Variants in THSD7A observed in about 807,000 individuals in gnomAD.
THSD7A encodes thrombospondin type 1 domain containing 7A, also known as thrombospondin type-1 domain-containing protein 7A.
Under a neutral mutation model 231.3 loss-of-function variants are expected in THSD7A, and 96 were observed. The observed-to-expected ratio is 0.41, with a 90% confidence interval of 0.35 to 0.49. The LOEUF is 0.49. Ranked by LOEUF, THSD7A falls within the 20% of genes least tolerant of loss-of-function variation. The probability of loss-of-function intolerance (pLI) is 0.05; values close to 1 mark genes in which losing one functional copy is unlikely to be tolerated. For synonymous variants in THSD7A, 940 were observed against 743.3 expected, an observed-to-expected ratio of 1.26 and a Z score of -4.30; for missense variants, 2,290 against 2,070.2, an observed-to-expected ratio of 1.11 and a Z score of -2.06.
chr7:11,717,122 T>C (rs762933359), intron 1 of THSD7A, among the ~76,000 whole-genome samples: 18 of 151,274 alleles, frequency 1.2e-4, no homozygotes, highest in Non-Finnish European at 2.4e-4. Flanking sequence ...TTTGCAAATA[T>C]AGTGCTAATT....
chr7:11,569,341 T>A (rs1205288912), intron 4 of THSD7A, among the ~76,000 whole-genome samples: 1 of 151,972 alleles, frequency 6.6e-6, no homozygotes, highest in African/African-American at 2.4e-5. Flanking sequence ...ATAATAATAA[T>A]AATTCCATTA....
At chr7:11,645,491 G>T (rs1032957875) in intron 1 of THSD7A, among the ~76,000 whole-genome samples, 3 of 151,724 alleles carry the variant, frequency 2.0e-5, no homozygotes, top group Non-Finnish European at 4.4e-5. Context: ...TCTTCTTATA[G>T]ATTTATTTTA....
intron 1 of THSD7A, among the ~76,000 whole-genome samples, chr7:11,641,331 G>T (rs1782073120): frequency 1.3e-5 from 2 of 152,036 alleles, no homozygotes; most frequent in South Asian, 4.2e-4. Flanking sequence ...CAATAATTTT[G>T]TTTAGAAAGG....
chr7:11,530,465 G>C (rs1177224423), intron 6 of THSD7A, among the ~76,000 whole-genome samples: 1 of 152,112 alleles, frequency 6.6e-6, no homozygotes, highest in Non-Finnish European at 1.5e-5. Flanking sequence ...CTGTTAAGTG[G>C]AACACAGTGC....
In THSD7A at chr7:11,375,479, A is replaced by G. The variant is rs1210229795; in HGVS notation, c.*315T>C. 4.7e-6 allele frequency: 1 copy of G among 212,072 alleles called. No homozygotes were observed. The highest frequency in any genetic ancestry group is 9.4e-6 in the Non-Finnish European group (1 of 106,794). The allele number at this position is 212,072 out of a possible 1,614,324, so 13.1% of individuals were successfully genotyped here. A position where few individuals can be genotyped will look rare whatever the true frequency, so the allele number is the denominator to read the frequency against. On this transcript the variant is annotated 3_prime_UTR_variant, in exon 28 of 28. Transcript: ENST00000423059. ...CTTGTATCAGGCATCCTAACTGGCC[A>G]ATTCCACCATTATTTTTTAGAGATG...
chr7:11,778,953 C>T (rs1783535646), intron 1 of THSD7A, among the ~76,000 whole-genome samples: 1 of 151,978 alleles, frequency 6.6e-6, no homozygotes, highest in Non-Finnish European at 1.5e-5. Context: ...TATATCAATC[C>T]TATGAATGAA....
At chr7:11,827,568 T>C in intron 1 of THSD7A, among the ~76,000 whole-genome samples, 1 of 152,176 alleles carries the variant, frequency 6.6e-6, no homozygotes, top group Non-Finnish European at 1.5e-5. Context: ...TCTCTAGGTC[T>C]TCTCCCACTG....
At chr7:11,554,886 T>C (rs1246685678) in intron 4 of THSD7A, among the ~76,000 whole-genome samples, 2 of 151,958 alleles carry the variant, frequency 1.3e-5, no homozygotes, top group African/African-American at 4.8e-5. Context: ...CAAATTTATG[T>C]GTATCAGGTT....
chr7:11,659,933 A>T (rs2128372706), intron 1 of THSD7A, among the ~76,000 whole-genome samples: 1 of 151,642 alleles, frequency 6.6e-6, no homozygotes, highest in South Asian at 2.1e-4. Context: ...ATGTATTAAA[A>T]ATGCAGAATC....
chr7:11,381,862 T>C (rs979813484), intron 24 of THSD7A, among the ~76,000 whole-genome samples: 2 of 152,154 alleles, frequency 1.3e-5, no homozygotes, highest in African/African-American at 2.4e-5. Context: ...AGGCTTCAGA[T>C]AGGCTTTTAG....
chr7:11,439,036 T>C (rs572985795), intron 13 of THSD7A, among the ~76,000 whole-genome samples: 1 of 152,140 alleles, frequency 6.6e-6, no homozygotes, highest in African/African-American at 2.4e-5. Context: ...TAATAAAAAC[T>C]ATTGAGCTGT....
intron 1 of THSD7A, among the ~76,000 whole-genome samples, chr7:11,810,280 T>C (rs1009191991): frequency 2.6e-5 from 4 of 152,188 alleles, no homozygotes; most frequent in Non-Finnish European, 5.9e-5. Flanking sequence ...CGCCATGTGA[T>C]GTCCCTTCAT....
intron 22 of THSD7A, among the ~76,000 whole-genome samples, chr7:11,405,288 T>G (rs1783545652): frequency 6.6e-6 from 1 of 152,118 alleles, no homozygotes. Context: ...CTTTTAAAAT[T>G]TTCTTAAATC....
rs147074050 is a variant in THSD7A at position 11,493,160 on chromosome 7, G to C, written c.1823-11178C>G. On this transcript the variant is annotated intron_variant, in intron 6 of 27. Transcript: ENST00000423059. ...CTGATACAGAAAGCATCATTAGCTT[G>C]TTGATTGACAAAGAAAGTGTCTATT... Among the ~76,000 whole-genome samples the C allele has an allele frequency of 8.5e-5, 13 of 152,220 alleles. No individual in the cohort carries two copies. In the East Asian group the frequency reaches 2.5e-3, roughly 29 times the overall value.
At chr7:11,384,718 C>A (rs952420627) in intron 23 of THSD7A, 2 of 151,872 alleles carry the variant, frequency 1.3e-5, no homozygotes, top group Non-Finnish European at 2.9e-5. Context: ...ATCAATTACC[C>A]TTTTTAACTA....
In THSD7A at chr7:11,782,401, A is replaced by G. The variant is rs374736739; in HGVS notation, c.190+49356T>C. 4.5e-4 allele frequency among the ~76,000 whole-genome samples: 69 copies of G among 152,328 alleles called. 1 individual carries two copies. The South Asian group carries it at 0.013, about 29-fold the overall frequency. Reference sequence around the variant, plus strand: ...AAGATAAAGAAAGCTTTTAATTAACACACACATACACATACACACATGACA... The same window carrying G: ...AAGATAAAGAAAGCTTTTAATTAACGCACACATACACATACACACATGACA... On this transcript the variant is annotated intron_variant, in intron 1 of 27. Transcript: ENST00000423059.
intron 11 of THSD7A, among the ~76,000 whole-genome samples, chr7:11,452,194 G>T (rs907853161): frequency 7.2e-5 from 11 of 151,896 alleles, no homozygotes; most frequent in Admixed American, 2.6e-4. Flanking sequence ...TTCTCCTATG[G>T]TTTTATGAAA....
Position 11,524,444 on chromosome 7 carries a change from A to G in THSD7A, c.1822+16975T>C, listed in dbSNP as rs115681380. Among the ~76,000 whole-genome samples the G allele has an allele frequency of 6.1e-3, 927 of 152,302 alleles. 14 individuals are homozygous for G. The highest frequency in any genetic ancestry group is 0.021 in the African/African-American group (880 of 41,570). On this transcript the variant is annotated intron_variant, in intron 6 of 27. Coordinates refer to ENST00000423059, the MANE Select transcript of THSD7A (RefSeq NM_015204.3). ...TTAGAAAAAGCATAAACCCCCATTC[A>G]TTCAGAATAACACTTGGGTGTATTT...
At chr7:11,696,722 G>C in intron 1 of THSD7A, among the ~76,000 whole-genome samples, 1 of 151,320 alleles carries the variant, frequency 6.6e-6, no homozygotes, top group East Asian at 2.0e-4. Context: ...GGGGCTACCT[G>C]GGAAAGTAAA....
Sources: gnomAD v4.1 joint callset for allele counts (sites outside exome capture counted in the v4.1 genomes callset) on GRCh38, gnomAD v4.1.1 for gene constraint, MANE v1.5 for transcripts, NCBI Gene and HGNC (gene_info 2026-07-23, HGNC 2026-07-21) for gene names.